SDK2: variants seen among roughly 807,000 people sequenced by gnomAD.
SDK2 encodes the protein sidekick cell adhesion molecule 2.
In SDK2, 105 loss-of-function variants were observed where a neutral mutation model predicts 253.9. That is an observed-to-expected ratio of 0.41 (90% CI 0.35 to 0.49). The LOEUF is 0.49. SDK2 is among the 20% of genes least tolerant of loss of function. The probability of loss-of-function intolerance (pLI) is 0.06; values close to 1 mark genes in which losing one functional copy is unlikely to be tolerated. For synonymous variants in SDK2, 1,249 were observed against 1,234.9 expected (o/e 1.01, Z -0.24); for missense variants, 2,608 against 3,003.0 (o/e 0.87, Z 3.07).
In SDK2 at chr17:73,350,517, C is replaced by A. The variant is rs978960368; in HGVS notation, c.5899+133G>T. ...GAGATTGAGATTGTGTGTAGAAACC[C>A]TAGGCTGCCCCACCCACCAGAGCAG... On this transcript the variant is annotated intron_variant, in intron 42 of 44. Transcript: ENST00000392650. The A allele has an allele frequency of 3.5e-5, 49 of 1,409,926 alleles. 1 individual carries two copies. The highest frequency in any genetic ancestry group is 9.9e-5 in the Admixed American group (4 of 40,412). The allele number at this position is 1,409,926 out of a possible 1,614,324, so 87.3% of individuals were successfully genotyped here.
At chr17:73,450,686 G>A (rs1339720392) in intron 4 of SDK2, among the ~76,000 whole-genome samples, 1 of 152,198 alleles carries the variant, frequency 6.6e-6, no homozygotes. Flanking sequence ...TCATGATCAA[G>A]CTTTCTGGGT....
intron 36 of SDK2, 36 bp from the exon 37 acceptor site, chr17:73,368,629 AG>A (rs1211592443): frequency 6.7e-7 from 1 of 1,483,706 alleles, no homozygotes; most frequent in Non-Finnish European, 9.0e-7. Context: ...TGAGGGGGAC[AG>A]GGGCAATGAG....
chr17:73,581,409 T>C (rs2045532755), intron 1 of SDK2, among the ~76,000 whole-genome samples: 1 of 152,194 alleles, frequency 6.6e-6, no homozygotes, highest in African/African-American at 2.4e-5. Context: ...CACAGGAAAC[T>C]CTGCACCCAC....
intron 1 of SDK2, among the ~76,000 whole-genome samples, chr17:73,573,944 C>T (rs2045422263): frequency 6.6e-6 from 1 of 152,200 alleles, no homozygotes; most frequent in South Asian, 2.1e-4. Flanking sequence ...GTCTCTGCCC[C>T]CTTCCAAATG....
intron 1 of SDK2, among the ~76,000 whole-genome samples, chr17:73,528,924 G>A (rs192854725): frequency 1.1e-4 from 16 of 152,256 alleles, no homozygotes; most frequent in East Asian, 3.9e-4. Flanking sequence ...AGCAGGCCTC[G>A]CCCCTGCACC....
intron 2 of SDK2, among the ~76,000 whole-genome samples, chr17:73,474,452 C>T (rs527323852): frequency 6.6e-6 from 1 of 152,364 alleles, no homozygotes; most frequent in East Asian, 1.9e-4. Flanking sequence ...CCCCACCCTC[C>T]ATCCTGGGTC....
chr17:73,571,473 G>A (rs537616336), intron 1 of SDK2, among the ~76,000 whole-genome samples: 23 of 152,320 alleles, frequency 1.5e-4, no homozygotes, highest in African/African-American at 5.5e-4. Flanking sequence ...GGCCCACCCA[G>A]GCCCAACCCT....
At position 73,338,266 on chromosome 17, in the gene SDK2, CCT is replaced by C. The variant is rs745468632; in HGVS notation, c.*319_*320del. 2.1e-4 allele frequency: 103 copies of C among 494,664 alleles called. No homozygotes were observed. The highest frequency in any genetic ancestry group is 2.8e-4 in the Non-Finnish European group (73 of 258,244). 30.6% of individuals were successfully genotyped at this position (494,664 alleles called of 1,614,324 possible). A position where few individuals can be genotyped will look rare whatever the true frequency, so the allele number is the denominator to read the frequency against. On this transcript the variant is annotated 3_prime_UTR_variant, in exon 45 of 45. Transcript: ENST00000392650. The surrounding 1 kb of genome is among the most constrained non-coding windows in gnomAD (Gnocchi z 5.0). ...GGCCTCCAGTCCTTAGCCTCCGCTCCCTCTCTCTCTCCAGATGCCCGCCCCAC... is the reference window on the plus strand; with the variant it reads ...GGCCTCCAGTCCTTAGCCTCCGCTCCCTCTCTCTCCAGATGCCCGCCCCAC...
chr17:73,635,763 G>T (rs2046322363), intron 1 of SDK2, among the ~76,000 whole-genome samples: 1 of 152,140 alleles, frequency 6.6e-6, no homozygotes, highest in Non-Finnish European at 1.5e-5. Flanking sequence ...GAAGGCATTT[G>T]TGTGGCTCAG....
intron 12 of SDK2, among the ~76,000 whole-genome samples, chr17:73,427,488 T>G (rs913847510): frequency 3.3e-5 from 5 of 152,212 alleles, no homozygotes; most frequent in South Asian, 2.1e-4. Context: ...AAGCCTAAAA[T>G]GTTTACTTTT....
At chr17:73,638,639 T>C (rs772479758) in intron 1 of SDK2, among the ~76,000 whole-genome samples, 34 of 150,868 alleles carry the variant, frequency 2.3e-4, no homozygotes, top group Non-Finnish European at 4.6e-4. Context: ...GGAGATGAGG[T>C]GGGAGGGGAG....
intron 39 of SDK2, 116 bp from the exon 40 acceptor site, chr17:73,358,320 GC>G: frequency 7.5e-7 from 1 of 1,326,338 alleles, no homozygotes; most frequent in African/African-American, 1.5e-5. Flanking sequence ...ACAGAGAGCC[GC>G]CAGGAAGCCC....
chr17:73,429,661 G>C (rs575003788), intron 12 of SDK2, among the ~76,000 whole-genome samples: 34 of 152,356 alleles, frequency 2.2e-4, no homozygotes, highest in African/African-American at 7.5e-4. Context: ...CAGTTGCTTT[G>C]ACAGTGATAT....
chr17:73,528,032 G>T (rs1227593400), intron 1 of SDK2, among the ~76,000 whole-genome samples: 1 of 152,076 alleles, frequency 6.6e-6, no homozygotes, highest in East Asian at 1.9e-4. Flanking sequence ...AGGGCGAGGT[G>T]ACCGAGATGG....
intron 1 of SDK2, among the ~76,000 whole-genome samples, chr17:73,564,970 A>G (rs2145857418): frequency 1.3e-5 from 2 of 152,326 alleles, no homozygotes; most frequent in South Asian, 4.1e-4. Context: ...GCATTGGAGA[A>G]CAACCAAAAG....
intron 37 of SDK2, among the ~76,000 whole-genome samples, chr17:73,366,551 C>T (rs1253025058): frequency 2.0e-5 from 3 of 152,202 alleles, no homozygotes; most frequent in Non-Finnish European, 4.4e-5. Flanking sequence ...GCAGGTTGAA[C>T]AAGATGCTCA....
At chr17:73,350,471 G>A in intron 42 of SDK2, 96 bp from the exon 43 acceptor site, 1 of 1,487,796 alleles carries the variant, frequency 6.7e-7, no homozygotes, top group South Asian at 1.4e-5. Flanking sequence ...CTTTCTCTTG[G>A]TAGAGTTGAG....
Position 73,619,332 on chromosome 17 carries a change from G to C in SDK2, c.64+24693C>G, listed in dbSNP as rs187797740. ...GGCTGAAGTCAGCACAGCACAGACAGCTAACCCTCCAGCAGAAATCAAAAC... is the reference window on the plus strand; with the variant it reads ...GGCTGAAGTCAGCACAGCACAGACACCTAACCCTCCAGCAGAAATCAAAAC... On this transcript the variant is annotated intron_variant, in intron 1 of 44. Transcript: ENST00000392650. 2.6e-4 allele frequency among the ~76,000 whole-genome samples: 39 copies of C among 152,252 alleles called. No individual in the cohort carries two copies. The East Asian group carries it at 7.5e-3, about 29-fold the overall frequency.
chr17:73,564,419 C>T (rs1054114795), intron 1 of SDK2, among the ~76,000 whole-genome samples: 4 of 152,162 alleles, frequency 2.6e-5, no homozygotes, highest in African/African-American at 9.7e-5. Flanking sequence ...GCATCTGAGC[C>T]CCTGGGCTGT....
Sources: gnomAD v4.1 joint callset for allele counts (sites outside exome capture counted in the v4.1 genomes callset) on GRCh38, gnomAD v4.1.1 for gene constraint, Gnocchi (gnomAD v3.1) non-coding constraint, MANE v1.5 for transcripts, NCBI Gene and HGNC (gene_info 2026-07-23, HGNC 2026-07-21) for gene names.